The following PTPRD variants were observed in gnomAD, a reference collection of about 807,000 sequenced individuals.
PTPRD encodes receptor-type tyrosine-protein phosphatase delta.
In PTPRD, 34 loss-of-function variants were observed where a neutral mutation model predicts 214.5. The observed-to-expected ratio is 0.16, with a 90% CI of 0.12 to 0.21. The LOEUF (loss-of-function observed/expected upper bound fraction) is 0.21, where lower values mean the gene tolerates loss of function less well. Among genes scored for constraint, PTPRD ranks in the 10% least tolerant of loss-of-function variants. PTPRD has a pLI of 1.00. For missense variants in PTPRD, 2,545 were observed against 2,398.7 expected (o/e 1.06, Z -1.27); for synonymous variants, 1,128 against 845.7 (o/e 1.33, Z -5.79).
intron 19 of PTPRD, among the ~76,000 whole-genome samples, chr9:8,521,767 A>G (rs1403596530): frequency 6.6e-6 from 1 of 152,210 alleles, no homozygotes; most frequent in Non-Finnish European, 1.5e-5. Context: ...TATCTTAGAC[A>G]CACTAATACA....
chr9:10,194,110 G>A (rs1284080067), intron 3 of PTPRD, among the ~76,000 whole-genome samples: 1 of 151,850 alleles, frequency 6.6e-6, no homozygotes, highest in Non-Finnish European at 1.5e-5. Flanking sequence ...TACAATTTTG[G>A]AGGAATAAAA....
intron 8 of PTPRD, among the ~76,000 whole-genome samples, chr9:9,433,067 C>T (rs1421469476): frequency 6.6e-6 from 1 of 151,936 alleles, no homozygotes; most frequent in African/African-American, 2.4e-5. Flanking sequence ...AGGAAGGGCA[C>T]ACAAAAGATA....
intron 9 of PTPRD, among the ~76,000 whole-genome samples, chr9:9,207,600 C>T (rs958510072): frequency 3.3e-5 from 5 of 152,104 alleles, no homozygotes; most frequent in Non-Finnish European, 7.3e-5. Flanking sequence ...TCTTACATTG[C>T]TGGTAGGTAT....
chr9:9,254,231 T>C (rs2099976747), intron 9 of PTPRD, among the ~76,000 whole-genome samples: 1 of 152,094 alleles, frequency 6.6e-6, no homozygotes, highest in Admixed American at 6.6e-5. Context: ...CCACTACCCA[T>C]TCCTTTCATT....
chr9:10,264,000 A>C (rs1252685617), intron 3 of PTPRD, among the ~76,000 whole-genome samples: 2 of 152,188 alleles, frequency 1.3e-5, no homozygotes, highest in African/African-American at 4.8e-5. Context: ...GCAAGCCCCA[A>C]GGCTTGGCAG....
At chr9:9,561,757 C>G (rs1443693337) in intron 8 of PTPRD, among the ~76,000 whole-genome samples, 2 of 152,192 alleles carry the variant, frequency 1.3e-5, no homozygotes, top group Non-Finnish European at 2.9e-5. Context: ...GATCTTTTCT[C>G]TTAGATTGAA....
intron 5 of PTPRD, among the ~76,000 whole-genome samples, chr9:9,871,576 G>T (rs918562323): frequency 6.6e-6 from 1 of 152,018 alleles, no homozygotes; most frequent in Middle Eastern, 3.2e-3. Flanking sequence ...TGGGCCCTAA[G>T]ATTATCTTCT....
intron 2 of PTPRD, among the ~76,000 whole-genome samples, chr9:10,376,330 A>C (rs58806581): frequency 2.6e-5 from 4 of 151,760 alleles, no homozygotes; most frequent in Non-Finnish European, 5.9e-5. Flanking sequence ...TCAATAAAGA[A>C]ACAGTTATGT....
chr9:10,011,476 A>C (rs1170863180), intron 4 of PTPRD, among the ~76,000 whole-genome samples: 5 of 151,986 alleles, frequency 3.3e-5, no homozygotes, highest in Non-Finnish European at 7.4e-5. Flanking sequence ...CGAATGCATA[A>C]GTATCTTAAA....
chr9:9,683,239 C>T (rs1187469862), intron 7 of PTPRD, among the ~76,000 whole-genome samples: 1 of 151,694 alleles, frequency 6.6e-6, no homozygotes, highest in Non-Finnish European at 1.5e-5. Flanking sequence ...AGAAGCTGAA[C>T]ATGAAGTATT....
intron 11 of PTPRD, among the ~76,000 whole-genome samples, chr9:8,857,260 G>C (rs966528952): frequency 6.6e-6 from 1 of 152,132 alleles, no homozygotes; most frequent in Non-Finnish European, 1.5e-5. Flanking sequence ...CTTTAAAAAA[G>C]GCGGTGGCAG....
At chr9:9,228,804 G>GCCTTC (rs2099961180) in intron 9 of PTPRD, among the ~76,000 whole-genome samples, 1 of 151,952 alleles carries the variant, frequency 6.6e-6, no homozygotes, top group Non-Finnish European at 1.5e-5. Context: ...CCCTTGTCTT[G>GCCTTC]CCTTCGTTTT....
rs763715400 is a variant in PTPRD, at chr9:8,940,280, C to CCTTTGTTTT, written c.-104+78416_-104+78417insAAAACAAAG. ...TCACACATCTCTCTCTCTCTCTCTC[C>CCTTTGTTTT]TTTTTTTTTTTTTTTTTTTTGAGAT... On this transcript the variant is annotated intron_variant, in intron 11 of 45. Transcript: ENST00000381196. Among the ~76,000 whole-genome samples, 586 of 89,020 alleles carry CCTTTGTTTT rather than the reference C, an allele frequency of 6.6e-3. 54 individuals are homozygous for CCTTTGTTTT. Among genetic ancestry groups the CCTTTGTTTT allele is most frequent in the East Asian group, 0.015 (42 of 2,826 alleles). The allele number at this position is 89,020 out of a possible 152,430, so 58.4% of individuals were successfully genotyped here. A position where few individuals can be genotyped will look rare whatever the true frequency, so the allele number is the denominator to read the frequency against.
At chr9:8,508,078 C>T (rs1393178327) in intron 21 of PTPRD, among the ~76,000 whole-genome samples, 1 of 152,114 alleles carries the variant, frequency 6.6e-6, no homozygotes, top group East Asian at 1.9e-4. Flanking sequence ...AAGAACTACA[C>T]CTAATACAAA....
chr9:10,231,278 ACT>A (rs2099608610), intron 3 of PTPRD, among the ~76,000 whole-genome samples: 1 of 151,926 alleles, frequency 6.6e-6, no homozygotes, highest in Non-Finnish European at 1.5e-5. Flanking sequence ...AAGAAACAAA[ACT>A]GATAGCACAT....
intron 10 of PTPRD, among the ~76,000 whole-genome samples, chr9:9,074,561 T>G (rs1425104266): frequency 6.6e-6 from 1 of 152,210 alleles, no homozygotes; most frequent in East Asian, 1.9e-4. Flanking sequence ...ACCAAGACTA[T>G]GTAAATATTT....
intron 6 of PTPRD, among the ~76,000 whole-genome samples, chr9:9,746,301 A>G (rs2098457415): frequency 6.6e-6 from 1 of 152,188 alleles, no homozygotes; most frequent in African/African-American, 2.4e-5. Context: ...GGTTTTAATC[A>G]TTACTAGATT....
chr9:10,608,780 T>C (rs1241629899), intron 2 of PTPRD, among the ~76,000 whole-genome samples: 1 of 152,134 alleles, frequency 6.6e-6, no homozygotes, highest in Non-Finnish European at 1.5e-5. Flanking sequence ...TTTTTGATTC[T>C]TCATTAATTC....
chr9:9,624,308 A>T (rs570290726), intron 7 of PTPRD, among the ~76,000 whole-genome samples: 1 of 151,868 alleles, frequency 6.6e-6, no homozygotes, highest in African/African-American at 2.4e-5. Context: ...TTTTTGACAG[A>T]GTCTCACTCT....
Sources: allele counts gnomAD v4.1 joint callset (sites outside exome capture counted in the v4.1 genomes callset), GRCh38; gene constraint gnomAD v4.1.1; transcripts MANE v1.5; gene names NCBI Gene and HGNC (gene_info 2026-07-23, HGNC 2026-07-21).